TG: variants seen among roughly 807,000 people sequenced by gnomAD.
TG encodes thyroid hormones.
In TG, 270 loss-of-function variants were observed where a neutral mutation model predicts 324.7. That is an observed-to-expected ratio of 0.83 (90% confidence interval 0.75 to 0.92). TG has a LOEUF of 0.92. Among genes scored for constraint, TG ranks in the 40% least tolerant of loss-of-function variants. The pLI is 0.00. For missense variants in TG, 3,591 were observed against 3,456.4 expected (o/e 1.04, Z -0.98); for synonymous variants, 1,401 against 1,327.0 (o/e 1.06, Z -1.21).
chr8:133,002,789 G>T, intron 35 of TG: 1 of 234,074 alleles, frequency 4.3e-6, no homozygotes, highest in Non-Finnish European at 8.3e-6. Flanking sequence ...GACTCCCAGA[G>T]TGCTTAATGT....
chr8:133,106,981 G>A (rs777213613), intron 43 of TG, among the ~76,000 whole-genome samples: 1 of 152,164 alleles, frequency 6.6e-6, no homozygotes, highest in Non-Finnish European at 1.5e-5. Flanking sequence ...ACACCACTCG[G>A]CGTGAACTAA....
At chr8:133,077,344 A>C (rs1845047510) in intron 41 of TG, among the ~76,000 whole-genome samples, 1 of 152,208 alleles carries the variant, frequency 6.6e-6, no homozygotes, top group Non-Finnish European at 1.5e-5. Context: ...GGCAGGATGC[A>C]GAGCCCTGGA....
chr8:132,912,683 G>T (rs1279648564), intron 19 of TG, among the ~76,000 whole-genome samples: 1 of 152,108 alleles, frequency 6.6e-6, no homozygotes, highest in African/African-American at 2.4e-5. Context: ...GGAAAACTAA[G>T]GCTCAGAGGT....
chr8:132,888,621 GTA>G (rs1815779938), intron 10 of TG, 53 bp downstream of exon 10: 16 of 1,425,816 alleles, frequency 1.1e-5, no homozygotes, highest in Admixed American at 2.2e-5. Context: ...GTGTGTGTGT[GTA>G]TGTGTGTTTA....
intron 34 of TG, among the ~76,000 whole-genome samples, chr8:132,974,705 A>G (rs1330159718): frequency 6.6e-6 from 1 of 152,216 alleles, no homozygotes; most frequent in Non-Finnish European, 1.5e-5. Flanking sequence ...TAACAGATTA[A>G]AAAGAATAAA....
intron 3 of TG, 144 bp from the exon 4 acceptor site, chr8:132,871,204 C>A: frequency 1.2e-6 from 1 of 811,466 alleles, no homozygotes; most frequent in Non-Finnish European, 2.1e-6. Context: ...TGTTCTGTGG[C>A]TGCCACCCCA....
chr8:132,868,356 G>T, intron 2 of TG, 133 bp downstream of exon 2: 1 of 835,458 alleles, frequency 1.2e-6, no homozygotes, highest in Non-Finnish European at 2.0e-6. Context: ...GTCATTTGGA[G>T]GTGCCTGCCT....
intron 41 of TG, among the ~76,000 whole-genome samples, chr8:133,072,568 CTTT>C (rs1458905898): frequency 6.6e-6 from 1 of 152,188 alleles, no homozygotes; most frequent in African/African-American, 2.4e-5. Flanking sequence ...TTGATGGGAA[CTTT>C]AAGTTTCAGC....
chr8:132,898,910 A>T lies in TG; in HGVS notation c.3330A>T (p.Glu1110Asp). The T allele has an allele frequency of 6.2e-7, 1 of 1,613,408 alleles. No homozygotes were observed. The highest frequency in any genetic ancestry group is 1.1e-5 in the South Asian group (1 of 90,958). Residue 1110 changes from glutamate (E) to aspartate (D), a missense_variant and splice_region_variant, in exon 14 of 48, where the codon GAA becomes GAT. By Grantham distance (45) the Glu-to-Asp change is conservative (BLOSUM62 2). Transcript: ENST00000220616. Reference sequence around the variant, plus strand: ...ACCTGTTCGTCCCAGCCTGCCTAGAAGTAAGGGTCTGGAAGCACAGGATTG... The same window carrying T: ...ACCTGTTCGTCCCAGCCTGCCTAGATGTAAGGGTCTGGAAGCACAGGATTG... ...PKDLFVPACL[E>D]TGEYARLQAS... is the part of the protein sequence containing the mutation.
intron 41 of TG, among the ~76,000 whole-genome samples, chr8:133,075,511 TTG>T (rs1335480804): frequency 2.1e-4 from 32 of 152,224 alleles, no homozygotes; most frequent in African/African-American, 7.7e-4. Flanking sequence ...TACTGCACAG[TTG>T]ATAATACTGT....
Position 132,935,778 on chromosome 8 carries a change from C to A in TG, c.4955C>A (p.Ser1652Ter), listed in dbSNP as rs1449473602. ...SDQKRDALGN[S>*]KATSFGSLRC... ...CAGAAACGAGATGCACTGGGGAACT[C>A]AAAGGCCACCAGCTTTGGAAGTCTT... Residue 1652 changes from serine to a stop codon, truncating the protein, a stop_gained, in exon 25 of 48, where the codon TCA becomes TAA. Transcript: ENST00000220616. LOFTEE classifies it high-confidence loss of function. The A allele has an allele frequency of 6.2e-7, 1 of 1,612,974 alleles. No homozygotes were observed. Among genetic ancestry groups the A allele is most frequent in the South Asian group, 1.1e-5 (1 of 91,020 alleles).
At chr8:133,113,311 C>T (rs1850417403) in intron 43 of TG, 111 bp from the exon 44 acceptor site, 16 of 1,236,532 alleles carry the variant, frequency 1.3e-5, no homozygotes, top group Non-Finnish European at 1.9e-5. Flanking sequence ...GTGTTTAATG[C>T]CATGCCCCAC....
intron 41 of TG, among the ~76,000 whole-genome samples, chr8:133,079,152 C>T (rs571361429): frequency 1.7e-3 from 253 of 152,298 alleles, no homozygotes; most frequent in Middle Eastern, 0.01. Flanking sequence ...CAAGTGTAAG[C>T]ATGGAGTCAG....
chr8:132,936,142 G>A (rs1255011043), intron 25 of TG, among the ~76,000 whole-genome samples: 1 of 152,254 alleles, frequency 6.6e-6, no homozygotes, highest in African/African-American at 2.4e-5. Context: ...AGGATTGAGA[G>A]CCTCATTCTG....
chr8:132,897,835 A>G (rs755234416), intron 12 of TG, 49 bp downstream of exon 12: 1 of 1,609,030 alleles, frequency 6.2e-7, no homozygotes, highest in Admixed American at 1.7e-5. Context: ...CCCCTTTTTT[A>G]TTTTAGAGGA....
At chr8:132,885,837 C>T (rs752710066) in intron 8 of TG, among the ~76,000 whole-genome samples, 1 of 152,248 alleles carries the variant, frequency 6.6e-6, no homozygotes, top group East Asian at 1.9e-4. Context: ...TCTTCCTTGC[C>T]CCTTCCTGGT....
rs1014907772 is a variant in TG, at chr8:132,969,417, C to A, written c.5864-41C>A. 9 of 1,395,212 alleles carry A rather than the reference C, an allele frequency of 6.5e-6. No individual in the cohort carries two copies. The Middle Eastern group carries it at 5.3e-4, about 82-fold the overall frequency. 86.4% of individuals were successfully genotyped at this position (1,395,212 alleles called of 1,614,324 possible). A position where few individuals can be genotyped will look rare whatever the true frequency, so the allele number is the denominator to read the frequency against. On this transcript the variant is annotated intron_variant, in intron 31 of 47. Transcript: ENST00000220616. ...TGTCCTCATATTTTCATGACTACAG[C>A]AAATCTCTAAGTAATGTATTTTCTT...
chr8:132,934,932 G>T (rs755923783), intron 24 of TG, among the ~76,000 whole-genome samples: 2 of 151,956 alleles, frequency 1.3e-5, no homozygotes, highest in Admixed American at 1.3e-4. Context: ...GATACTCCCT[G>T]GATAGAAACT....
At chr8:132,867,628 G>C (rs894514143) in intron 1 of TG, among the ~76,000 whole-genome samples, 7 of 151,122 alleles carry the variant, frequency 4.6e-5, no homozygotes, top group Non-Finnish European at 1.0e-4. Context: ...AGTTCTCAAT[G>C]GAAAAATAAG....
Sources: gnomAD v4.1 joint callset for allele counts (sites outside exome capture counted in the v4.1 genomes callset) on GRCh38, gnomAD v4.1.1 for gene constraint, MANE v1.5 for transcripts, NCBI Gene and HGNC (gene_info 2026-07-23, HGNC 2026-07-21) for gene names.